The following KLK5 variants were observed in gnomAD, a reference collection of about 807,000 sequenced individuals.
KLK5 encodes the protein kallikrein related peptidase 5, also known as kallikrein-5.
In KLK5, 18 loss-of-function variants were observed where a neutral mutation model predicts 24.0. The observed-to-expected ratio is 0.75, with a 90% confidence interval of 0.52 to 1.11. KLK5 has a LOEUF of 1.11. KLK5 is among the 50% of genes most tolerant of loss of function. The pLI is 0.00. For missense variants in KLK5, 374 were observed against 379.2 expected, an observed-to-expected ratio of 0.99 and a Z score of 0.11; for synonymous variants, 140 against 154.0, an observed-to-expected ratio of 0.91 and a Z score of 0.67.
In KLK5 at chr19:50,950,088, G is replaced by A. The variant is rs748520592; in HGVS notation, c.102C>T (p.Ser34=). The A allele has an allele frequency of 3.1e-6, 5 of 1,613,544 alleles. No homozygotes were observed. In the South Asian group the frequency reaches 3.3e-5, roughly 11 times the overall value. ...TEHVLANNDV[S]CDHPSNTVPS... ...GCACGGTGTTAGAGGGGTGGTCACA[G>A]GAAACATCATTGTTGGCGAGAACAT... The change falls in exon 3 of 6, where the codon TCC becomes TCT. Residue 34 remains serine, a synonymous_variant. Transcript: ENST00000336334.
At chr19:50,946,855 G>T (rs113505134) in intron 5 of KLK5, among the ~76,000 whole-genome samples, 1 of 152,028 alleles carries the variant, frequency 6.6e-6, no homozygotes, top group Non-Finnish European at 1.5e-5. Flanking sequence ...CACCACGCCC[G>T]GCCGAGATGT....
chr19:50,949,718 T>G, intron 3 of KLK5, 137 bp downstream of exon 3: 2 of 431,804 alleles, frequency 4.6e-6, no homozygotes, highest in Non-Finnish European at 7.2e-6. Flanking sequence ...CCACCAACCC[T>G]CACCTTCCAT....
intron 5 of KLK5, among the ~76,000 whole-genome samples, chr19:50,945,631 G>GAAAA (rs57848074): frequency 6.9e-6 from 1 of 144,112 alleles, no homozygotes; most frequent in Admixed American, 7.0e-5. Context: ...CATCTCTACG[G>GAAAA]AAAAAAAAAA....
In KLK5 at chr19:50,952,636, A is replaced by G. The variant is rs780231543; in HGVS notation, c.22T>C (p.Trp8Arg). Residue 8 changes from tryptophan (W) to arginine (R), a missense_variant, in exon 2 of 6, where the codon TGG becomes CGG. Coordinates refer to ENST00000336334, the MANE Select transcript of KLK5 (RefSeq NM_012427.5). ...ATCAGAGCACAGAGCACCCACATCC[A>G]GGGGGGTCTTGCTGTAGCCATGGCC... MATARPP[W>R]MWVLCALITA... The G allele has an allele frequency of 1.2e-6, 2 of 1,601,926 alleles. No homozygotes were observed. Among genetic ancestry groups the G allele is most frequent in the Admixed American group, 1.7e-5 (1 of 58,704 alleles).
rs561711388 is a variant in KLK5, at chr19:50,947,135, A to G, written c.726+1505T>C. Among the ~76,000 whole-genome samples the G allele has an allele frequency of 1.6e-4, 24 of 152,244 alleles. 1 individual carries two copies. In the South Asian group the frequency reaches 4.8e-3, roughly 30 times the overall value. On this transcript the variant is annotated intron_variant, in intron 5 of 5. Transcript: ENST00000336334. The surrounding 1 kb of genome is among the most constrained non-coding windows in gnomAD (Gnocchi z 8.7). ...TACAGAGAAGGGTGCTGGTTGATGT[A>G]ACAGTTTGATTTTAAATTCTGTCTT...
rs1269137519 is a variant in KLK5 at position 50,952,907 on chromosome 19, TC to T, written c.-173del. 3 of 351,802 alleles carry T rather than the reference TC, an allele frequency of 8.5e-6. No homozygotes were observed. Among genetic ancestry groups the T allele is most frequent in the African/African-American group, 2.3e-5 (1 of 44,166 alleles). The allele number at this position is 351,802 out of a possible 1,614,324, so 21.8% of individuals were successfully genotyped here. A position where few individuals can be genotyped will look rare whatever the true frequency, so the allele number is the denominator to read the frequency against. ...TGGGTGCAGGACGCACAGACACCTC[TC>T]CTTCCCTGCCTGCTGAGCCACCCTC... is the stretch of plus-strand genomic sequence containing the variant. On this transcript the variant is annotated 5_prime_UTR_variant, in exon 1 of 6. Coordinates refer to ENST00000336334, the MANE Select transcript of KLK5 (RefSeq NM_012427.5).
Position 50,944,292 on chromosome 19 carries a change from C to T in KLK5, c.727-506G>A, listed in dbSNP as rs572496362. Among the ~76,000 whole-genome samples the T allele has an allele frequency of 1.8e-4, 28 of 152,284 alleles. 1 individual carries two copies. The South Asian group carries it at 2.3e-3, about 12-fold the overall frequency. Reference sequence around the variant, plus strand: ...AAGTGTTGGGATTACAGGCGTGAGCCACCATGCCTGGCCTCCAAGTTCAAC... The same window carrying T: ...AAGTGTTGGGATTACAGGCGTGAGCTACCATGCCTGGCCTCCAAGTTCAAC... On this transcript the variant is annotated intron_variant, in intron 5 of 5. Transcript: ENST00000336334.
chr19:50,946,456 CA>C (rs2090635269), intron 5 of KLK5, among the ~76,000 whole-genome samples: 1 of 151,750 alleles, frequency 6.6e-6, no homozygotes, highest in African/African-American at 2.4e-5. Context: ...AAAAAACAAA[CA>C]AAAAAACACC....
chr19:50,952,363 C>A (rs1369143426), intron 2 of KLK5, among the ~76,000 whole-genome samples: 3 of 152,124 alleles, frequency 2.0e-5, no homozygotes, highest in South Asian at 4.2e-4. Context: ...ACCTGCCGCA[C>A]AGTCACCTGA....
chr19:50,948,359 G>A (rs1718423766), intron 5 of KLK5, among the ~76,000 whole-genome samples: 1 of 152,132 alleles, frequency 6.6e-6, no homozygotes, highest in Non-Finnish European at 1.5e-5. Flanking sequence ...CTGACCAAAG[G>A]TGATCTGCCT....
In KLK5 at chr19:50,949,093, G is replaced by A; in HGVS notation, c.358C>T (p.His120Tyr). 2 of 1,612,806 alleles carry A rather than the reference G, an allele frequency of 1.2e-6. No individual in the cohort carries two copies. The highest frequency in any genetic ancestry group is 1.7e-6 in the Non-Finnish European group (2 of 1,179,928). ...TCATAAACTGGTGACAGGGAGTAGT[G>A]GCCGAGACGGACTCTGAAAACTCTG... ...RKKVFRVRLG[H>Y]YSLSPVYESG... Residue 120 changes from histidine to tyrosine, a missense_variant, in exon 4 of 6, where the codon CAC becomes TAC. His to Tyr is a moderately conservative substitution (Grantham distance 83, BLOSUM62 2). Coordinates refer to ENST00000336334, the MANE Select transcript of KLK5 (RefSeq NM_012427.5).
chr19:50,949,739 A>ACCCCCCCTCCCCCTCCCCCCCCC, intron 3 of KLK5, 116 bp downstream of exon 3: 1 of 432,332 alleles, frequency 2.3e-6, no homozygotes. Flanking sequence ...GACACCCCCA[A>ACCCCCCCTCCCCCTCCCCCCCCC]CCCCACTTCC....
At chr19:50,948,612 T>C in intron 5 of KLK5, 28 bp downstream of exon 5, 1 of 1,613,122 alleles carries the variant, frequency 6.2e-7, no homozygotes, top group African/African-American at 1.3e-5. Context: ...TCAGTGTGTA[T>C]CTGCTGAATA....
Position 50,952,818 on chromosome 19 carries a change from T to C in KLK5, c.-83A>G. 2.0e-6 allele frequency: 1 copy of C among 499,326 alleles called. No individual in the cohort carries two copies. Among genetic ancestry groups the C allele is most frequent in the Non-Finnish European group, 3.5e-6 (1 of 284,660 alleles). The allele number at this position is 499,326 out of a possible 1,614,324, so 30.9% of individuals were successfully genotyped here. On this transcript the variant is annotated 5_prime_UTR_variant, in exon 1 of 6. Coordinates refer to ENST00000336334, the MANE Select transcript of KLK5 (RefSeq NM_012427.5). Reference sequence around the variant, plus strand: ...GCACTGCGCTGAGACCCAGGCACTATAGAATTCAGAAGATAGGAGTCTAGC... The same window carrying C: ...GCACTGCGCTGAGACCCAGGCACTACAGAATTCAGAAGATAGGAGTCTAGC...
chr19:50,949,031 G>T lies in KLK5; in HGVS notation c.420C>A (p.Ile140=), dbSNP rs8104840. The stretch of plus-strand genomic sequence containing the variant: ...CAGGGTGGGAGTAGCCAGGGTGGGG[G>T]ATGGATTTGACCCCCTGGAACATCT... ...GQQMFQGVKS[I]PHPGYSHPGH... Residue 140 remains isoleucine, a synonymous_variant, in exon 4 of 6, where the codon ATC becomes ATA. Transcript: ENST00000336334. 292 of 1,613,860 alleles carry T rather than the reference G, an allele frequency of 1.8e-4. 1 individual carries two copies. In the African/African-American group the frequency reaches 3.6e-3, roughly 20 times the overall value.
chr19:50,947,249 C>T lies in KLK5; in HGVS notation c.726+1391G>A, dbSNP rs1600071367. 6.6e-6 allele frequency among the ~76,000 whole-genome samples: 1 copy of T among 152,220 alleles called. No homozygotes were observed. Among genetic ancestry groups the T allele is most frequent in the Admixed American group, 6.5e-5 (1 of 15,282 alleles). On this transcript the variant is annotated intron_variant, in intron 5 of 5. Transcript: ENST00000336334. The surrounding 1 kb of genome is among the most constrained non-coding windows in gnomAD (Gnocchi z 8.7). ...TGCAGAGCATTCGCCCCTGCCTACA[C>T]CTCCAGCGTCACTTTCTACTGTTGC...
chr19:50,949,004 G>A lies in KLK5; in HGVS notation c.447C>T (p.Gly149=), dbSNP rs760553337. 3 of 1,613,924 alleles carry A rather than the reference G, an allele frequency of 1.9e-6. No homozygotes were observed. The highest frequency in any genetic ancestry group is 2.2e-5 in the East Asian group (1 of 44,876). ...SIPHPGYSHP[G]HSNDLMLIKL... ...TGATGAGCATGAGGTCGTTAGAGTG[G>A]CCAGGGTGGGAGTAGCCAGGGTGGG... The change falls in exon 4 of 6, where the codon GGC becomes GGT. Residue 149 remains glycine, a synonymous_variant. Coordinates refer to ENST00000336334, the MANE Select transcript of KLK5 (RefSeq NM_012427.5).
chr19:50,949,798 C>CGTCCCCACCAGCCCTCACCTCCCTGACA, intron 3 of KLK5, 57 bp downstream of exon 3: 1 of 386,320 alleles, frequency 2.6e-6, no homozygotes, highest in Non-Finnish European at 4.1e-6. Flanking sequence ...CCCACTTCCC[C>CGTCCCCACCAGCCCTCACCTCCCTGACA]ACCCCCACCC....
intron 5 of KLK5, among the ~76,000 whole-genome samples, chr19:50,946,847 C>T (rs1379204744): frequency 2.0e-5 from 3 of 152,172 alleles, no homozygotes; most frequent in African/African-American, 7.2e-5. Context: ...GTGTGAGCCA[C>T]CACGCCCGGC....
Sources: allele counts gnomAD v4.1 joint callset (sites outside exome capture counted in the v4.1 genomes callset), GRCh38; gene constraint gnomAD v4.1.1; non-coding constraint Gnocchi (gnomAD v3.1); transcripts MANE v1.5; gene names NCBI Gene and HGNC (gene_info 2026-07-23, HGNC 2026-07-21).